Variants in CSMD1 observed in about 807,000 individuals in gnomAD.
The protein encoded by CSMD1 is CUB and Sushi multiple domains 1.
Under a neutral mutation model 417.5 loss-of-function variants are expected in CSMD1, and 213 were observed. The observed-to-expected ratio is 0.51, with a 90% CI of 0.46 to 0.57. The LOEUF (loss-of-function observed/expected upper bound fraction) is 0.57. CSMD1 is among the 20% of genes least tolerant of loss of function. The pLI is 0.00. For synonymous variants in CSMD1, 2,862 were observed against 1,736.8 expected (o/e 1.65, Z -16.11); for missense variants, 6,923 against 4,529.7 (o/e 1.53, Z -15.17).
Position 3,805,072 on chromosome 8 carries a change from G to C in CSMD1, c.819-51030C>G, listed in dbSNP as rs562684753. On this transcript the variant is annotated intron_variant, in intron 5 of 69. Transcript: ENST00000635120. ...AACACCACTTAGGCACAGAGAATTA[G>C]AATAACAGATACTACGGGAACCCCA... is the stretch of plus-strand genomic sequence containing the variant. Among the ~76,000 whole-genome samples the C allele has an allele frequency of 3.3e-5, 5 of 150,020 alleles. No homozygotes were observed. The East Asian group carries it at 8.0e-4, about 24-fold the overall frequency.
At chr8:4,381,824 T>C (rs1350519004) in intron 3 of CSMD1, among the ~76,000 whole-genome samples, 3 of 152,230 alleles carry the variant, frequency 2.0e-5, no homozygotes, top group Non-Finnish European at 4.4e-5. Flanking sequence ...TCATCTTTTC[T>C]ATCTCCTGCT....
At chr8:4,289,509 G>A (rs890187173) in intron 3 of CSMD1, among the ~76,000 whole-genome samples, 1 of 152,160 alleles carries the variant, frequency 6.6e-6, no homozygotes, top group Non-Finnish European at 1.5e-5. Context: ...TCTGTCCACT[G>A]TCAGTATGAG....
intron 3 of CSMD1, among the ~76,000 whole-genome samples, chr8:4,174,055 G>C (rs960452512): frequency 6.6e-6 from 1 of 152,150 alleles, no homozygotes; most frequent in Non-Finnish European, 1.5e-5. Context: ...GTTTAGGCCT[G>C]GGCCACCTGC....
intron 3 of CSMD1, among the ~76,000 whole-genome samples, chr8:4,057,820 G>A (rs1047076152): frequency 6.6e-6 from 1 of 152,104 alleles, no homozygotes; most frequent in Non-Finnish European, 1.5e-5. Context: ...TTTTTGTCAG[G>A]TTTGTCAAAG....
At chr8:3,792,029 C>T (rs1352247779) in intron 5 of CSMD1, among the ~76,000 whole-genome samples, 3 of 152,086 alleles carry the variant, frequency 2.0e-5, no homozygotes, top group African/African-American at 4.8e-5. Flanking sequence ...TTTTGACAGT[C>T]AATTAACTTG....
At chr8:4,128,094 C>T (rs943152805) in intron 3 of CSMD1, among the ~76,000 whole-genome samples, 5 of 152,192 alleles carry the variant, frequency 3.3e-5, no homozygotes, top group African/African-American at 7.2e-5. Flanking sequence ...CCTCAACAGT[C>T]TTCACATGCA....
rs557398720 is a variant in CSMD1 at position 3,229,211 on chromosome 8, A to G, written c.4345+829T>C. ...AAAATGGCCTATCCATTTCATGATC[A>G]CTTTCTCTCTTCACACATCAATTAA... On this transcript the variant is annotated intron_variant, in intron 27 of 69. Coordinates refer to ENST00000635120, the MANE Select transcript of CSMD1 (RefSeq NM_033225.6). Among the ~76,000 whole-genome samples the G allele has an allele frequency of 9.8e-5, 15 of 152,316 alleles. 1 individual carries two copies. The South Asian group carries it at 3.1e-3, about 32-fold the overall frequency.
intron 5 of CSMD1, among the ~76,000 whole-genome samples, chr8:3,893,028 A>G (rs138783319): frequency 1.4e-3 from 210 of 152,136 alleles, no homozygotes; most frequent in African/African-American, 4.9e-3. Context: ...TAACTTGTCA[A>G]TAATAGTGAT....
chr8:3,812,710 TC>T (rs1452268340), intron 5 of CSMD1, among the ~76,000 whole-genome samples: 1 of 152,222 alleles, frequency 6.6e-6, no homozygotes, highest in Non-Finnish European at 1.5e-5. Flanking sequence ...GCTGTTTGTT[TC>T]CTCAGTAGAC....
chr8:4,023,112 G>A (rs918477534), intron 4 of CSMD1, among the ~76,000 whole-genome samples: 2 of 152,136 alleles, frequency 1.3e-5, no homozygotes, highest in African/African-American at 4.8e-5. Context: ...TGCAGTGGAT[G>A]TACAGGAGAT....
At chr8:3,259,012 G>A (rs1444010653) in intron 26 of CSMD1, among the ~76,000 whole-genome samples, 3 of 152,152 alleles carry the variant, frequency 2.0e-5, no homozygotes, top group Non-Finnish European at 4.4e-5. Flanking sequence ...ATAGCTGGGT[G>A]ATGAATCTAG....
intron 5 of CSMD1, among the ~76,000 whole-genome samples, chr8:3,792,976 G>C (rs917846441): frequency 6.6e-6 from 1 of 152,116 alleles, no homozygotes; most frequent in African/African-American, 2.4e-5. Flanking sequence ...TCACCGTCTA[G>C]AACCATCCAC....
At chr8:3,053,580 C>T (rs10081578) in intron 49 of CSMD1, among the ~76,000 whole-genome samples, 34,956 of 151,930 alleles carry the variant, frequency 0.23, 4,290 homozygotes, top group East Asian at 0.43. Context: ...GGATGTGGAC[C>T]GCTTTCACGG....
intron 1 of CSMD1, among the ~76,000 whole-genome samples, chr8:4,900,383 T>C (rs1221772161): frequency 6.6e-6 from 1 of 152,130 alleles, no homozygotes; most frequent in Non-Finnish European, 1.5e-5. Flanking sequence ...TTGACGAACC[T>C]CCTTCCGCAC....
chr8:4,711,259 C>T (rs1014718969), intron 1 of CSMD1, among the ~76,000 whole-genome samples: 1 of 151,780 alleles, frequency 6.6e-6, no homozygotes, highest in Non-Finnish European at 1.5e-5. Context: ...TGAGAATCAT[C>T]ACACTTATAA....
At chr8:3,377,469 G>A (rs571076660) in intron 18 of CSMD1, among the ~76,000 whole-genome samples, 14 of 152,268 alleles carry the variant, frequency 9.2e-5, no homozygotes, top group African/African-American at 2.2e-4. Context: ...TAAGCTAAGT[G>A]TACTTTTATT....
intron 10 of CSMD1, among the ~76,000 whole-genome samples, chr8:3,520,649 G>C (rs745793486): frequency 1.3e-5 from 2 of 151,864 alleles, no homozygotes; most frequent in African/African-American, 4.8e-5. Context: ...CTGCATCTCC[G>C]GGTCCTCTTT....
chr8:3,866,362 G>A (rs568208363), intron 5 of CSMD1, among the ~76,000 whole-genome samples: 1 of 152,280 alleles, frequency 6.6e-6, no homozygotes, highest in South Asian at 2.1e-4. Flanking sequence ...CTGGAATACA[G>A]AACATTCATG....
chr8:3,955,250 G>C (rs1179721687), intron 5 of CSMD1, among the ~76,000 whole-genome samples: 5 of 152,060 alleles, frequency 3.3e-5, no homozygotes, highest in Non-Finnish European at 7.4e-5. Flanking sequence ...AGATCCCACC[G>C]GCAATGCCAA....
Sources: allele counts gnomAD v4.1 joint callset (sites outside exome capture counted in the v4.1 genomes callset), GRCh38; gene constraint gnomAD v4.1.1; transcripts MANE v1.5; gene names NCBI Gene and HGNC (gene_info 2026-07-23, HGNC 2026-07-21).